The following ITGA8 variants were observed in gnomAD, a reference collection of about 807,000 sequenced individuals.
The protein encoded by ITGA8 is integrin subunit alpha 8, also known as integrin alpha-8.
A neutral mutation model predicts 142.3 loss-of-function variants in ITGA8; 91 were observed. The ratio of observed to expected loss-of-function variants is 0.64; its 90% CI spans 0.54 to 0.76. The LOEUF (loss-of-function observed/expected upper bound fraction) is 0.76, where lower values mean the gene tolerates loss of function less well. ITGA8 is among the 30% of genes least tolerant of loss of function. The probability of loss-of-function intolerance (pLI) is 0.00; values close to 1 mark genes in which losing one functional copy is unlikely to be tolerated. For missense variants in ITGA8, 1,406 were observed against 1,327.7 expected, an observed-to-expected ratio of 1.06 and a Z score of -0.92; for synonymous variants, 505 against 485.2, an observed-to-expected ratio of 1.04 and a Z score of -0.54.
chr10:15,697,038 G>A (rs893291727), intron 2 of ITGA8, among the ~76,000 whole-genome samples: 52 of 32,010 alleles, frequency 1.6e-3, no homozygotes, highest in African/African-American at 3.6e-3. Context: ...GTACTCTCTT[G>A]TCTCTAAAAC....
intron 13 of ITGA8, among the ~76,000 whole-genome samples, chr10:15,630,950 T>C (rs530798762): frequency 1.3e-5 from 2 of 152,200 alleles, no homozygotes; most frequent in African/African-American, 4.8e-5. Context: ...CATACGTTTG[T>C]TGGCTGCATA....
chr10:15,700,526 C>T (rs527495949), intron 2 of ITGA8, among the ~76,000 whole-genome samples: 14 of 152,170 alleles, frequency 9.2e-5, no homozygotes, highest in Admixed American at 5.2e-4. Flanking sequence ...AATAAGATGT[C>T]GCATGCAGTA....
chr10:15,634,411 G>C (rs1440422181), intron 13 of ITGA8, among the ~76,000 whole-genome samples: 1 of 151,812 alleles, frequency 6.6e-6, no homozygotes, highest in Non-Finnish European at 1.5e-5. Flanking sequence ...AAAGGAAAAA[G>C]CTATTATTAG....
chr10:15,616,366 G>A (rs1833390903), intron 14 of ITGA8, 148 bp downstream of exon 14: 3 of 665,402 alleles, frequency 4.5e-6, no homozygotes, highest in Admixed American at 2.6e-5. Flanking sequence ...GAAAGAAAGA[G>A]TGAGAGCAAA....
intron 27 of ITGA8, among the ~76,000 whole-genome samples, chr10:15,540,110 T>A (rs114298772): frequency 0.026 from 3,885 of 152,312 alleles, 165 homozygotes; most frequent in African/African-American, 0.089. Flanking sequence ...CAGTCTCAGG[T>A]ATGTTTTCAT....
chr10:15,531,187 A>G, intron 27 of ITGA8, 36 bp from the exon 28 acceptor site: 1 of 1,192,830 alleles, frequency 8.4e-7, no homozygotes, highest in Non-Finnish European at 1.1e-6. Flanking sequence ...TATATTTCAT[A>G]TAAAGTTTTT....
rs1393088095 is a variant in ITGA8, at chr10:15,647,105, TGG to T, written c.1002-56_1002-55del. 5.8e-6 allele frequency: 8 copies of T among 1,374,804 alleles called. No homozygotes were observed. The African/African-American group carries it at 8.6e-5, about 15-fold the overall frequency. The allele number at this position is 1,374,804 out of a possible 1,614,324, so 85.2% of individuals were successfully genotyped here. On this transcript the variant is annotated intron_variant, in intron 11 of 29. Transcript: ENST00000378076. ...ACGCTAGCAGAGAGTAGAGTCACTT[TGG>T]GTTATTTGTAATCAACTAGACTAGT...
intron 20 of ITGA8, among the ~76,000 whole-genome samples, chr10:15,603,670 C>A (rs554721692): frequency 6.6e-6 from 1 of 152,126 alleles, no homozygotes; most frequent in Non-Finnish European, 1.5e-5. Flanking sequence ...TGAGGAATGG[C>A]AAATGAGGAA....
intron 23 of ITGA8, among the ~76,000 whole-genome samples, chr10:15,576,790 T>C (rs1368307671): frequency 1.3e-5 from 2 of 152,254 alleles, no homozygotes; most frequent in Non-Finnish European, 2.9e-5. Flanking sequence ...CATTGTTTTC[T>C]AGGAATGAGT....
chr10:15,669,248 T>A (rs1834460492), intron 8 of ITGA8, among the ~76,000 whole-genome samples: 1 of 152,216 alleles, frequency 6.6e-6, no homozygotes. Context: ...AAACTTCTCT[T>A]CTTGCTTCAT....
chr10:15,606,585 T>C (rs1020856113), intron 17 of ITGA8, among the ~76,000 whole-genome samples, 163 bp from the exon 18 acceptor site: 11 of 152,182 alleles, frequency 7.2e-5, no homozygotes, highest in Non-Finnish European at 1.5e-4. Context: ...TGGTATATAG[T>C]AGCCAGCATA....
intron 13 of ITGA8, among the ~76,000 whole-genome samples, chr10:15,630,047 T>G (rs1473641558): frequency 6.6e-6 from 1 of 152,062 alleles, no homozygotes; most frequent in Non-Finnish European, 1.5e-5. Flanking sequence ...TTGAGACTTG[T>G]CATTTTTCTC....
chr10:15,598,336 AT>A (rs1162266903), intron 20 of ITGA8, among the ~76,000 whole-genome samples: 1 of 152,066 alleles, frequency 6.6e-6, no homozygotes, highest in Non-Finnish European at 1.5e-5. Flanking sequence ...ATTTTATTTT[AT>A]TTTTTATTTG....
chr10:15,577,417 T>C (rs929964211), intron 23 of ITGA8, among the ~76,000 whole-genome samples: 1 of 152,064 alleles, frequency 6.6e-6, no homozygotes, highest in African/African-American at 2.4e-5. Flanking sequence ...CTAAGTACCA[T>C]CTACTCTATT....
chr10:15,705,155 C>A (rs1835234519), intron 2 of ITGA8, among the ~76,000 whole-genome samples: 1 of 152,246 alleles, frequency 6.6e-6, no homozygotes, highest in African/African-American at 2.4e-5. Flanking sequence ...CCTACCTAAA[C>A]AGGTAGGGCC....
At chr10:15,521,936 ACCAGAAGCTG>A (rs1833080513) in intron 28 of ITGA8, among the ~76,000 whole-genome samples, 1 of 152,210 alleles carries the variant, frequency 6.6e-6, no homozygotes, top group African/African-American at 2.4e-5. Context: ...AATGATGGTT[ACCAGAAGCTG>A]GCAAAGAGTG....
chr10:15,712,248 T>C (rs184921796), intron 2 of ITGA8, among the ~76,000 whole-genome samples: 1 of 152,304 alleles, frequency 6.6e-6, no homozygotes, highest in Non-Finnish European at 1.5e-5. Context: ...GTTTTTTTAA[T>C]AAAACCAATA....
chr10:15,675,828 C>G (rs1027335913), intron 6 of ITGA8, among the ~76,000 whole-genome samples: 2 of 152,164 alleles, frequency 1.3e-5, no homozygotes, highest in Non-Finnish European at 2.9e-5. Context: ...TTAGCATGGA[C>G]TGCAAGCCTT....
chr10:15,529,329 G>A (rs1349398833), intron 28 of ITGA8, among the ~76,000 whole-genome samples: 1 of 152,204 alleles, frequency 6.6e-6, no homozygotes, highest in Admixed American at 6.5e-5. Flanking sequence ...CAATGCTAGA[G>A]CTTTATACAG....
Sources: allele counts gnomAD v4.1 joint callset (sites outside exome capture counted in the v4.1 genomes callset), GRCh38; gene constraint gnomAD v4.1.1; transcripts MANE v1.5; gene names NCBI Gene and HGNC (gene_info 2026-07-23, HGNC 2026-07-21).